The following SDK2 variants were observed in gnomAD, a reference collection of about 807,000 sequenced individuals.
SDK2 encodes protein sidekick-2.
A neutral mutation model predicts 253.9 loss-of-function variants in SDK2; 105 were observed. That is an observed-to-expected ratio of 0.41 (90% CI 0.35 to 0.49). The LOEUF is 0.49. Among genes scored for constraint, SDK2 ranks in the 20% least tolerant of loss-of-function variants. The pLI, the probability that SDK2 is intolerant of heterozygous loss-of-function variation, is 0.06. For missense variants in SDK2, 2,608 were observed against 3,003.0 expected (o/e 0.87, Z 3.07); for synonymous variants, 1,249 against 1,234.9 (o/e 1.01, Z -0.24).
In SDK2 at chr17:73,622,681, C is replaced by G. The variant is rs148067121; in HGVS notation, c.64+21344G>C. ...CGTCTTTCTTCCCGTGCCTCACCCC[C>G]TCCTCCCATGGGACAAGGGCCTCAG... is the stretch of plus-strand genomic sequence containing the variant. On this transcript the variant is annotated intron_variant, in intron 1 of 44. Transcript: ENST00000392650. Among the ~76,000 whole-genome samples the G allele has an allele frequency of 7.9e-5, 12 of 152,328 alleles. No homozygotes were observed. In the East Asian group the frequency reaches 2.1e-3, roughly 27 times the overall value.
Position 73,337,087 on chromosome 17 carries a change from G to T in SDK2, c.*1500C>A, listed in dbSNP as rs1367409459. On this transcript the variant is annotated 3_prime_UTR_variant, in exon 45 of 45. Transcript: ENST00000392650. ...TGTGTGTGTGTGTGTGTGTGTAAAA[G>T]CATTCCCTCCCATCAGCTATTCTTG... 1.4e-5 allele frequency: 2 copies of T among 146,358 alleles called. No homozygotes were observed. The highest frequency in any genetic ancestry group is 5.1e-5 in the African/African-American group (2 of 38,958). The allele number at this position is 146,358 out of a possible 1,614,324, so 9.1% of individuals were successfully genotyped here.
At chr17:73,525,920 C>T (rs1306618583) in intron 1 of SDK2, among the ~76,000 whole-genome samples, 1 of 152,260 alleles carries the variant, frequency 6.6e-6, no homozygotes, top group East Asian at 1.9e-4. Context: ...CTACGTGCCA[C>T]AAAATGTCAG....
Position 73,390,273 on chromosome 17 carries a change from C to T in SDK2, c.4192+14G>A. The T allele has an allele frequency of 6.4e-7, 1 of 1,554,748 alleles. No homozygotes were observed. Among genetic ancestry groups the T allele is most frequent in the Middle Eastern group, 1.7e-4 (1 of 5,810 alleles). ...GCTGCCCCCAAGCCTTCCCTGGCCC[C>T]CGTGGGCAGTCACCTCTCTTCTCGG... On this transcript the variant is annotated intron_variant, in intron 29 of 44. Transcript: ENST00000392650.
Position 73,456,062 on chromosome 17 carries a change from G to A in SDK2, c.332-9C>T, listed in dbSNP as rs556171494. On this transcript the variant is annotated splice_polypyrimidine_tract_variant and intron_variant, in intron 3 of 44. Coordinates refer to ENST00000392650, the MANE Select transcript of SDK2 (RefSeq NM_001144952.2). ...CTCAAAGCTCCCCATGTCTGCAGCC[G>A]GGACAACGGCAGTAGGATCAGGGGC... 63 of 1,479,972 alleles carry A rather than the reference G, an allele frequency of 4.3e-5. 1 individual carries two copies. In the South Asian group the frequency reaches 6.1e-4, roughly 14 times the overall value. 91.7% of individuals were successfully genotyped at this position (1,479,972 alleles called of 1,614,324 possible).
intron 3 of SDK2, among the ~76,000 whole-genome samples, chr17:73,471,888 G>A (rs1402133556): frequency 6.6e-6 from 1 of 152,222 alleles, no homozygotes; most frequent in African/African-American, 2.4e-5. Flanking sequence ...GTCAGCAGAT[G>A]TGCATGAGAC....
intron 1 of SDK2, chr17:73,641,173 C>A (rs1310283836): frequency 1.3e-5 from 2 of 152,210 alleles, no homozygotes; most frequent in Non-Finnish European, 2.9e-5. Context: ...TGGCAGGGTA[C>A]CATTCTTCAT....
intron 1 of SDK2, among the ~76,000 whole-genome samples, chr17:73,598,518 C>T (rs757901606): frequency 1.2e-4 from 18 of 152,214 alleles, no homozygotes; most frequent in East Asian, 3.8e-4. Flanking sequence ...GCCCGGCTCT[C>T]GTTCCCTGGG....
At position 73,575,560 on chromosome 17, in the gene SDK2, C is replaced by T. The variant is rs139118172; in HGVS notation, c.65-67963G>A. Reference sequence around the variant, plus strand: ...CTGGGGGCAAAACACGTAATCTCTCCGTGCCAGTCTGTACTATATCTGCAG... The same window carrying T: ...CTGGGGGCAAAACACGTAATCTCTCTGTGCCAGTCTGTACTATATCTGCAG... On this transcript the variant is annotated intron_variant, in intron 1 of 44. Transcript: ENST00000392650. 5.2e-4 allele frequency among the ~76,000 whole-genome samples: 79 copies of T among 152,340 alleles called. No homozygotes were observed. In the East Asian group the frequency reaches 0.014, roughly 26 times the overall value.
At chr17:73,414,319 A>T (rs1353701093) in intron 18 of SDK2, among the ~76,000 whole-genome samples, 1 of 151,918 alleles carries the variant, frequency 6.6e-6, no homozygotes, top group Admixed American at 6.6e-5. Flanking sequence ...CAAATTGGGG[A>T]TTACAGATGT....
Position 73,365,279 on chromosome 17 carries a change from C to G in SDK2, c.5284G>C (p.Glu1762Gln). ...TCACCATCCACGGGGCTGCAGGGCT[C>G]GTACACCAGCCTGTAGCCCTCCAGG... is the stretch of plus-strand genomic sequence containing the variant. ...GILEGYRLVYEPCSPVDGVSK... is the reference protein window; with the variant it reads ...GILEGYRLVYQPCSPVDGVSK... The change falls in exon 38 of 45, where the codon GAG becomes CAG. Residue 1762 changes from glutamate to glutamine, a missense_variant. Glu to Gln is a conservative substitution (Grantham distance 29). Transcript: ENST00000392650. 6.2e-7 allele frequency: 1 copy of G among 1,610,922 alleles called. No homozygotes were observed. The highest frequency in any genetic ancestry group is 1.3e-5 in the African/African-American group (1 of 74,904).
At chr17:73,377,637 T>G (rs2145461704) in intron 36 of SDK2, among the ~76,000 whole-genome samples, 1 of 151,480 alleles carries the variant, frequency 6.6e-6, no homozygotes, top group Admixed American at 6.6e-5. Flanking sequence ...CCTGCTTTTT[T>G]TTTTTTTTTG....
chr17:73,566,440 GAT>G (rs2045314315), intron 1 of SDK2, among the ~76,000 whole-genome samples: 1 of 151,756 alleles, frequency 6.6e-6, no homozygotes, highest in South Asian at 2.1e-4. Flanking sequence ...TTGCTATAAA[GAT>G]ACTTGAAAAT....
chr17:73,596,394 G>A (rs1000346790), intron 1 of SDK2, among the ~76,000 whole-genome samples: 2 of 152,142 alleles, frequency 1.3e-5, no homozygotes, highest in African/African-American at 2.4e-5. Context: ...AACATTGGCC[G>A]GAGCTCCAGT....
At chr17:73,610,450 C>A (rs72847624) in intron 1 of SDK2, among the ~76,000 whole-genome samples, 24,113 of 152,156 alleles carry the variant, frequency 0.16, 1,974 homozygotes, top group South Asian at 0.25. Context: ...TGGCCCAGCA[C>A]GCATTCCAAG....
intron 1 of SDK2, among the ~76,000 whole-genome samples, chr17:73,597,334 CA>C (rs1200902862): frequency 6.6e-6 from 1 of 152,126 alleles, no homozygotes; most frequent in Non-Finnish European, 1.5e-5. Context: ...AACCTGTGAC[CA>C]AGTCTCAGCC....
At chr17:73,369,311 C>A in intron 36 of SDK2, 1 of 335,934 alleles carries the variant, frequency 3.0e-6, no homozygotes. Flanking sequence ...CACCTGGGAG[C>A]TGGTGAGGGA....
intron 1 of SDK2, among the ~76,000 whole-genome samples, chr17:73,597,586 G>A (rs778283197): frequency 1.3e-5 from 2 of 152,024 alleles, no homozygotes; most frequent in African/African-American, 2.4e-5. Context: ...CCAGCCCACC[G>A]CTATCCTTAT....
At position 73,469,982 on chromosome 17, in the gene SDK2, G is replaced by GCGCA. The variant is rs2063632857; in HGVS notation, c.331+2129_331+2130insTGCG. On this transcript the variant is annotated intron_variant, in intron 3 of 44. Transcript: ENST00000392650. ...GGCATCCTGAATGGCATTTGCGACT[G>GCGCA]CGCGCGCGCGCACACACACACACAC... 4.5e-5 allele frequency among the ~76,000 whole-genome samples: 3 copies of GCGCA among 66,434 alleles called. No homozygotes were observed. The Admixed American group carries it at 6.1e-4, about 14-fold the overall frequency. The allele number at this position is 66,434 out of a possible 152,430, so 43.6% of individuals were successfully genotyped here. A position where few individuals can be genotyped will look rare whatever the true frequency, so the allele number is the denominator to read the frequency against.
intron 1 of SDK2, among the ~76,000 whole-genome samples, chr17:73,537,605 T>C (rs1599659614): frequency 6.6e-6 from 1 of 151,466 alleles, no homozygotes; most frequent in South Asian, 2.1e-4. Context: ...TTTGGGGGGA[T>C]GAAGAGGTTG....
Sources: gnomAD v4.1 joint callset for allele counts (sites outside exome capture counted in the v4.1 genomes callset) on GRCh38, gnomAD v4.1.1 for gene constraint, MANE v1.5 for transcripts, NCBI Gene and HGNC (gene_info 2026-07-23, HGNC 2026-07-21) for gene names.